The following RYR2 variants were observed in gnomAD, a reference collection of about 807,000 sequenced individuals.
RYR2 encodes the protein ryanodine receptor 2, also known as cardiac muscle ryanodine receptor-calcium release channel.
Under a neutral mutation model 601.1 loss-of-function variants are expected in RYR2, and 227 were observed. That is an observed-to-expected ratio of 0.38 (90% CI 0.34 to 0.42). RYR2 has a LOEUF of 0.42. RYR2 is among the 10% of genes least tolerant of loss of function. The pLI, the probability that RYR2 is intolerant of heterozygous loss-of-function variation, is 1.00. For missense variants in RYR2, 4,646 were observed against 6,156.5 expected (o/e 0.75, Z 8.21); for synonymous variants, 2,223 against 2,175.1 (o/e 1.02, Z -0.61).
chr1:237,550,499 G>A (rs1670278203), intron 26 of RYR2, 45 bp from the exon 27 acceptor site: 1 of 1,586,536 alleles, frequency 6.3e-7, no homozygotes. Flanking sequence ...ATTTCTAAAA[G>A]CCCTTGGTAT....
intron 6 of RYR2, among the ~76,000 whole-genome samples, chr1:237,370,092 T>A (rs1447414109): frequency 6.6e-6 from 1 of 152,038 alleles, no homozygotes; most frequent in Admixed American, 6.5e-5. Context: ...TAGGCTTCTC[T>A]TGGGCACAGT....
In RYR2 at chr1:237,785,151, T is replaced by G. The variant is rs1034746057; in HGVS notation, c.13260+179T>G. The G allele has an allele frequency of 2.6e-5, 16 of 623,558 alleles. No homozygotes were observed. In the East Asian group the frequency reaches 3.8e-4, roughly 15 times the overall value. 38.6% of individuals were successfully genotyped at this position (623,558 alleles called of 1,614,324 possible). A position where few individuals can be genotyped will look rare whatever the true frequency, so the allele number is the denominator to read the frequency against. On this transcript the variant is annotated intron_variant, in intron 90 of 104. Transcript: ENST00000366574. Reference sequence around the variant, plus strand: ...TGTTTTTAAGAGTCCTTATGAATTATTAAATTATCTTAAACTATTATGGTG... The same window carrying G: ...TGTTTTTAAGAGTCCTTATGAATTAGTAAATTATCTTAAACTATTATGGTG...
chr1:237,168,875 G>T (rs144380194), intron 1 of RYR2, among the ~76,000 whole-genome samples: 2 of 152,092 alleles, frequency 1.3e-5, no homozygotes, highest in African/African-American at 4.8e-5. Context: ...AAGTCTATCC[G>T]AGTCTTTCCT....
At chr1:237,613,854 G>A (rs1042941309) in intron 36 of RYR2, among the ~76,000 whole-genome samples, 185 bp from the exon 37 acceptor site, 2 of 152,148 alleles carry the variant, frequency 1.3e-5, no homozygotes, top group African/African-American at 2.4e-5. Flanking sequence ...TTCAAAGTCT[G>A]AATAAAGTCC....
chr1:237,554,081 T>C (rs558186801), intron 27 of RYR2, among the ~76,000 whole-genome samples: 1 of 152,064 alleles, frequency 6.6e-6, no homozygotes, highest in Admixed American at 6.5e-5. Context: ...TTCTGCCTTA[T>C]AGGGGGAAAG....
At chr1:237,237,289 T>C (rs1444463925) in intron 1 of RYR2, among the ~76,000 whole-genome samples, 2 of 152,220 alleles carry the variant, frequency 1.3e-5, no homozygotes, top group African/African-American at 4.8e-5. Context: ...TAATAGTATC[T>C]GTTATTTACT....
At chr1:237,138,523 T>G (rs915658413) in intron 1 of RYR2, among the ~76,000 whole-genome samples, 1 of 152,160 alleles carries the variant, frequency 6.6e-6, no homozygotes, top group Admixed American at 6.5e-5. Context: ...GAAAAATAAG[T>G]GGGAAATTTT....
chr1:237,276,941 T>G (rs1393433811), intron 2 of RYR2, among the ~76,000 whole-genome samples: 2 of 152,170 alleles, frequency 1.3e-5, no homozygotes, highest in Non-Finnish European at 2.9e-5. Context: ...TAAATGTAAT[T>G]TAAATTTCAA....
At position 237,806,233 on chromosome 1, in the gene RYR2, T is replaced by G; in HGVS notation, c.14248T>G (p.Phe4750Val). 9 of 1,613,642 alleles carry G rather than the reference T, an allele frequency of 5.6e-6. No homozygotes were observed. The highest frequency in any genetic ancestry group is 7.6e-6 in the Non-Finnish European group (9 of 1,179,556). ...TCACCTTCTCGACATTGCTATGGGA[T>G]TCAAGACATTAAGAACCATCTTGTC... is the stretch of plus-strand genomic sequence containing the variant. ...AAHLLDIAMG[F>V]KTLRTILSSV... Residue 4750 changes from phenylalanine (F) to valine (V), a missense_variant, in exon 99 of 105, where the codon TTC becomes GTC. Physicochemically the swap from Phe to Val is conservative, Grantham distance 50. Coordinates refer to ENST00000366574, the MANE Select transcript of RYR2 (RefSeq NM_001035.3).
At chr1:237,731,478 T>C (rs931299828) in intron 77 of RYR2, among the ~76,000 whole-genome samples, 3 of 152,132 alleles carry the variant, frequency 2.0e-5, no homozygotes, top group Non-Finnish European at 4.4e-5. Flanking sequence ...GCGAAGAAAA[T>C]ATTTCACTTT....
intron 82 of RYR2, among the ~76,000 whole-genome samples, chr1:237,758,062 A>G (rs1194571495): frequency 6.6e-6 from 1 of 152,196 alleles, no homozygotes; most frequent in African/African-American, 2.4e-5. Flanking sequence ...CCATGCGTTT[A>G]CCAAACTGTG....
chr1:237,329,923 C>T (rs895806957), intron 2 of RYR2, among the ~76,000 whole-genome samples: 8 of 152,096 alleles, frequency 5.3e-5, no homozygotes, highest in Non-Finnish European at 1.2e-4. Context: ...ATACACAGAA[C>T]AGGACCAAGT....
intron 1 of RYR2, among the ~76,000 whole-genome samples, chr1:237,257,963 A>G (rs1410670144): frequency 6.6e-6 from 1 of 152,090 alleles, no homozygotes; most frequent in Non-Finnish European, 1.5e-5. Flanking sequence ...CAAGAGTTCG[A>G]GACCAGCCTG....
chr1:237,123,058 T>C (rs975573894), intron 1 of RYR2, among the ~76,000 whole-genome samples: 1 of 152,222 alleles, frequency 6.6e-6, no homozygotes, highest in East Asian at 1.9e-4. Context: ...TCTTGCAATT[T>C]GTGTGCGTGT....
chr1:237,506,579 C>A (rs878917159), intron 22 of RYR2, 131 bp from the exon 23 acceptor site: 1 of 583,204 alleles, frequency 1.7e-6, no homozygotes, highest in South Asian at 2.2e-5. Context: ...AAATAGATGG[C>A]TTAGAACTTT....
At chr1:237,085,375 T>G (rs1666201016) in intron 1 of RYR2, among the ~76,000 whole-genome samples, 1 of 152,220 alleles carries the variant, frequency 6.6e-6, no homozygotes, top group Admixed American at 6.5e-5. Flanking sequence ...AAAGTTACTC[T>G]TGTCTTTTGG....
intron 2 of RYR2, among the ~76,000 whole-genome samples, chr1:237,277,007 A>G (rs1305647696): frequency 6.6e-6 from 1 of 152,214 alleles, no homozygotes; most frequent in African/African-American, 2.4e-5. Context: ...AGTTTTATTG[A>G]TACAGAAATT....
chr1:237,067,999 A>T (rs1663857304), intron 1 of RYR2, among the ~76,000 whole-genome samples: 1 of 151,882 alleles, frequency 6.6e-6, no homozygotes, highest in African/African-American at 2.4e-5. Flanking sequence ...TAGCAGATTC[A>T]ACATTGCATA....
rs200642525 is a variant in RYR2, at chr1:237,387,353, A to G, written c.649A>G (p.Ile217Val). The change falls in exon 9 of 105, where the codon ATC becomes GTC. Residue 217 changes from isoleucine to valine, a missense_variant. Ile to Val is a conservative substitution (Grantham distance 29). Around this residue, in one of 17 missense-constraint regions of RYR2, gnomAD observed 87 missense variants for 144.7 expected, o/e 0.60. Coordinates refer to ENST00000366574, the MANE Select transcript of RYR2 (RefSeq NM_001035.3). ...GCAGACTCTCTGGAGCGTGGCCCCAATCAGCTCAGGAAGTGAGGCAGCCCA... is the reference window on the plus strand; with the variant it reads ...GCAGACTCTCTGGAGCGTGGCCCCAGTCAGCTCAGGAAGTGAGGCAGCCCA... ...FQQTLWSVAP[I>V]SSGSEAAQGY... is the part of the protein sequence containing the mutation. 418 of 1,613,984 alleles carry G rather than the reference A, an allele frequency of 2.6e-4. No individual in the cohort carries two copies. The highest frequency in any genetic ancestry group is 3.4e-4 in the Non-Finnish European group (397 of 1,179,882).
Sources: gnomAD v4.1 joint callset for allele counts (sites outside exome capture counted in the v4.1 genomes callset) on GRCh38, gnomAD v4.1.1 for gene constraint, gnomAD v4.1.1 regional missense constraint, MANE v1.5 for transcripts, NCBI Gene and HGNC (gene_info 2026-07-23, HGNC 2026-07-21) for gene names.